LIPT1: variants seen among roughly 807,000 people sequenced by gnomAD.
The protein encoded by LIPT1 is lipoyltransferase 1.
A neutral mutation model predicts 25.1 loss-of-function variants in LIPT1; 22 were observed. The observed-to-expected ratio is 0.88, with a 90% CI of 0.63 to 1.25. The LOEUF is 1.25. Among genes scored for constraint, LIPT1 ranks in the 50% most tolerant of loss-of-function variants. The pLI is 0.00. For synonymous variants in LIPT1, 131 were observed against 150.8 expected, an observed-to-expected ratio of 0.87 and a Z score of 0.96; for missense variants, 399 against 432.8, an observed-to-expected ratio of 0.92 and a Z score of 0.69.
At chr2:99,159,421 C>T (rs984738398) in intron 1 of LIPT1, among the ~76,000 whole-genome samples, 4 of 152,100 alleles carry the variant, frequency 2.6e-5, no homozygotes, top group African/African-American at 4.8e-5. Flanking sequence ...TCTCTCCTAC[C>T]GTACTTTAGG....
chr2:99,162,215 G>A lies in LIPT1; in HGVS notation c.258G>A (p.Leu86=). 6.2e-7 allele frequency: 1 copy of A among 1,614,024 alleles called. No homozygotes were observed. The highest frequency in any genetic ancestry group is 8.5e-7 in the Non-Finnish European group (1 of 1,180,034). ...RHQNPWQECN[L]NLMREEGIKL... ...AAAATCCTTGGCAGGAATGTAACCT[G>A]AATCTAATGAGAGAAGAAGGTATAA... Residue 86 remains leucine (L), a synonymous_variant, in exon 2 of 2, where the codon CTG becomes CTA. Coordinates refer to ENST00000651691, the MANE Select transcript of LIPT1 (RefSeq NM_145199.3).
chr2:99,159,095 A>AT (rs1248033019), intron 1 of LIPT1, among the ~76,000 whole-genome samples: 2 of 151,922 alleles, frequency 1.3e-5, no homozygotes, highest in African/African-American at 4.8e-5. Flanking sequence ...TGCCCGGCTA[A>AT]TTTTTTGTAT....
intron 1 of LIPT1, among the ~76,000 whole-genome samples, chr2:99,161,034 C>T (rs1473142047): frequency 1.3e-5 from 2 of 150,170 alleles, no homozygotes; most frequent in Non-Finnish European, 3.0e-5. Context: ...GAGGCTGAGG[C>T]GGGCAGATCA....
chr2:99,160,393 TAAA>T (rs1192763700), intron 1 of LIPT1, among the ~76,000 whole-genome samples: 7 of 152,036 alleles, frequency 4.6e-5, no homozygotes, highest in Non-Finnish European at 7.4e-5. Flanking sequence ...AAATAAAAAA[TAAA>T]AAAGCCTAGC....
In LIPT1 at chr2:99,156,969, A is replaced by G. The variant is rs62156398; in HGVS notation, c.-2+1918A>G. 0.12 allele frequency among the ~76,000 whole-genome samples: 18,068 copies of G among 152,284 alleles called. 1,508 individuals carry two copies. Among genetic ancestry groups the G allele is most frequent in the Non-Finnish European group, 0.18 (12,247 of 68,006 alleles). ...GAGATGGGAAAGGGAGAACCCTGTCATAACAGTTAACATTTCATATTTGCC... is the reference window on the plus strand; with the variant it reads ...GAGATGGGAAAGGGAGAACCCTGTCGTAACAGTTAACATTTCATATTTGCC... On this transcript the variant is annotated intron_variant, in intron 1 of 1. Coordinates refer to ENST00000651691, the MANE Select transcript of LIPT1 (RefSeq NM_145199.3).
intron 1 of LIPT1, among the ~76,000 whole-genome samples, chr2:99,158,919 G>GT (rs2093769112): frequency 6.6e-6 from 1 of 152,062 alleles, no homozygotes; most frequent in Non-Finnish European, 1.5e-5. Context: ...GCAAGGACAG[G>GT]TTCACCTTCT....
intron 1 of LIPT1, chr2:99,161,327 TATATATATATAG>T (rs1166618850): frequency 4.0e-5 from 4 of 100,174 alleles, no homozygotes; most frequent in African/African-American, 1.2e-4. Flanking sequence ...TATATATATA[TATATATATATAG>T]ATTGAATGTC....
At position 99,162,490 on chromosome 2, in the gene LIPT1, G is replaced by A; in HGVS notation, c.533G>A (p.Cys178Tyr). 1.2e-6 allele frequency: 2 copies of A among 1,614,074 alleles called. No individual in the cohort carries two copies. The highest frequency in any genetic ancestry group is 1.7e-5 in the Admixed American group (1 of 60,018). Reference protein sequence around the residue: ...KIGRTTAYHHCTLLCSTDGTF... With the variant: ...KIGRTTAYHHYTLLCSTDGTF... Reference sequence around the variant, plus strand: ...GGCCGGACTACTGCCTATCACCATTGCACTTTATTATGTAGTACTGATGGG... The same window carrying A: ...GGCCGGACTACTGCCTATCACCATTACACTTTATTATGTAGTACTGATGGG... Residue 178 changes from cysteine to tyrosine, a missense_variant, in exon 2 of 2, where the codon TGC becomes TAC. Transcript: ENST00000651691.
In LIPT1 at chr2:99,155,001, C is replaced by A. The variant is rs763128146; in HGVS notation, c.-52C>A. On this transcript the variant is annotated 5_prime_UTR_variant, in exon 1 of 2. Coordinates refer to ENST00000651691, the MANE Select transcript of LIPT1 (RefSeq NM_145199.3). The stretch of plus-strand genomic sequence containing the variant: ...CGGTTGCTCGGGGTCGTATGACGCA[C>A]TTTTCCAGCTCGAGCCCTCACGAGG... The A allele has an allele frequency of 2.2e-6, 1 of 455,898 alleles. No individual in the cohort carries two copies. The highest frequency in any genetic ancestry group is 4.4e-6 in the Non-Finnish European group (1 of 226,784). 28.2% of individuals were successfully genotyped at this position (455,898 alleles called of 1,614,324 possible).
chr2:99,159,314 C>T (rs1462977791), intron 1 of LIPT1, among the ~76,000 whole-genome samples: 26 of 152,216 alleles, frequency 1.7e-4, no homozygotes, highest in Admixed American at 1.6e-3. Context: ...CCGCCTGCCT[C>T]GGCCTCCCAG....
At chr2:99,156,045 C>T (rs903052933) in intron 1 of LIPT1, among the ~76,000 whole-genome samples, 1 of 152,018 alleles carries the variant, frequency 6.6e-6, no homozygotes, top group Non-Finnish European at 1.5e-5. Context: ...TTTGGACATC[C>T]CTTTGTTTTC....
chr2:99,162,880 A>C lies in LIPT1; in HGVS notation c.923A>C (p.Glu308Ala). 1 of 1,612,910 alleles carries C rather than the reference A, an allele frequency of 6.2e-7. No homozygotes were observed. Among genetic ancestry groups the C allele is most frequent in the Non-Finnish European group, 8.5e-7 (1 of 1,179,320 alleles). The change falls in exon 2 of 2, where the codon GAA (glutamate) becomes GCA (alanine). Residue 308 changes from glutamate to alanine, a missense_variant. Glu to Ala is a moderately radical substitution (Grantham distance 107). Coordinates refer to ENST00000651691, the MANE Select transcript of LIPT1 (RefSeq NM_145199.3). The stretch of plus-strand genomic sequence containing the variant: ...ATAGACATAAAGAATGGAAGAATTG[A>C]AATTTGTAATATTGAAGCACCTGAT... ...VFIDIKNGRIEICNIEAPDHW... is the reference protein window; with the variant it reads ...VFIDIKNGRIAICNIEAPDHW...
Position 99,162,806 on chromosome 2 carries a change from T to G in LIPT1, c.849T>G (p.Thr283=), listed in dbSNP as rs747981647. 10 of 1,613,982 alleles carry G rather than the reference T, an allele frequency of 6.2e-6. No individual in the cohort carries two copies. The highest frequency in any genetic ancestry group is 2.7e-5 in the African/African-American group (2 of 74,928). The change falls in exon 2 of 2, where the codon ACT becomes ACG. Residue 283 remains threonine (T), a synonymous_variant. Transcript: ENST00000651691. ...AAACTCCAAAGTTTAGTATAAATAC[T>G]TCCTTTCATGTGTTATATGAACAGT... is the stretch of plus-strand genomic sequence containing the variant. ...YGKTPKFSIN[T]SFHVLYEQSH...
intron 1 of LIPT1, among the ~76,000 whole-genome samples, chr2:99,159,719 A>C (rs1398559920): frequency 6.6e-6 from 1 of 152,150 alleles, no homozygotes; most frequent in Admixed American, 6.6e-5. Context: ...TACTGTGTCA[A>C]AGTCAGTCAA....
intron 1 of LIPT1, among the ~76,000 whole-genome samples, chr2:99,159,208 C>T (rs961061061): frequency 7.3e-5 from 11 of 150,834 alleles, no homozygotes; most frequent in Admixed American, 3.3e-4. Flanking sequence ...GTACTACAGG[C>T]ACCTGCCACC....
chr2:99,162,446 A>G lies in LIPT1; in HGVS notation c.489A>G (p.Ser163=), dbSNP rs1024010091. The part of the protein sequence containing the change: ...DLLLDGQFKI[S]GTASKIGRTT... Reference sequence around the variant, plus strand: ...TACTTGATGGACAGTTTAAAATCTCAGGAACAGCTTCTAAGATCGGCCGGA... The same window carrying G: ...TACTTGATGGACAGTTTAAAATCTCGGGAACAGCTTCTAAGATCGGCCGGA... Residue 163 remains serine (S), a synonymous_variant, in exon 2 of 2, where the codon TCA becomes TCG. Transcript: ENST00000651691. 3.1e-6 allele frequency: 5 copies of G among 1,613,918 alleles called. No homozygotes were observed. Among genetic ancestry groups the G allele is most frequent in the African/African-American group, 1.3e-5 (1 of 74,944 alleles).
rs1437264922 is a variant in LIPT1, at chr2:99,161,301, T to A, written c.-1-656T>A. The A allele has an allele frequency of 9.1e-4, 23 of 25,386 alleles. 1 individual carries two copies. The highest frequency in any genetic ancestry group is 1.8e-3 in the African/African-American group (11 of 6,044). The allele number at this position is 25,386 out of a possible 1,614,324, so 1.6% of individuals were successfully genotyped here. On this transcript the variant is annotated intron_variant, in intron 1 of 1. Coordinates refer to ENST00000651691, the MANE Select transcript of LIPT1 (RefSeq NM_145199.3). ...AAAAAAAAAAAAAAAAATATATATA[T>A]ATATATATATATATATATATATATA...
In LIPT1 at chr2:99,161,981, G is replaced by A. The variant is rs2093796909; in HGVS notation, c.24G>A (p.Lys8=). ...GCATGCTGATCCCATTTTCAATGAA[G>A]AATTGCTTCCAGTTACTTTGTAACT... MLIPFSM[K]NCFQLLCNCQ... is the part of the protein sequence containing the mutation. Residue 8 remains lysine (K), a synonymous_variant, in exon 2 of 2, where the codon AAG becomes AAA. Transcript: ENST00000651691. The A allele has an allele frequency of 2.5e-6, 4 of 1,603,632 alleles. No individual in the cohort carries two copies. Among genetic ancestry groups the A allele is most frequent in the Non-Finnish European group, 3.4e-6 (4 of 1,173,724 alleles).
In LIPT1 at chr2:99,162,357, G is replaced by C. The variant is rs1174551672; in HGVS notation, c.400G>C (p.Val134Leu). Residue 134 changes from valine to leucine, a missense_variant, in exon 2 of 2, where the codon GTG (valine) becomes CTG (leucine). Coordinates refer to ENST00000651691, the MANE Select transcript of LIPT1 (RefSeq NM_145199.3). Reference protein sequence around the residue: ...YDRMENLKLIVRALNAVQPQL... With the variant: ...YDRMENLKLILRALNAVQPQL... ...TAGAATGGAAAATCTGAAATTAATT[G>C]TGAGAGCTCTGAATGCTGTCCAACC... 6.2e-7 allele frequency: 1 copy of C among 1,613,870 alleles called. No homozygotes were observed. Among genetic ancestry groups the C allele is most frequent in the East Asian group, 2.2e-5 (1 of 44,886 alleles).
Sources: allele counts gnomAD v4.1 joint callset (sites outside exome capture counted in the v4.1 genomes callset), GRCh38; gene constraint gnomAD v4.1.1; transcripts MANE v1.5; gene names NCBI Gene and HGNC (gene_info 2026-07-23, HGNC 2026-07-21).